Variants in ZNF516 observed in about 807,000 individuals in gnomAD.
ZNF516 encodes zinc finger protein 516.
A neutral mutation model predicts 79.7 loss-of-function variants in ZNF516; 19 were observed. The observed-to-expected ratio is 0.24, with a 90% CI of 0.17 to 0.35. The LOEUF (loss-of-function observed/expected upper bound fraction) is 0.35, where lower values mean the gene tolerates loss of function less well. ZNF516 is among the 10% of genes least tolerant of loss of function. ZNF516 has a pLI of 1.00. For synonymous variants in ZNF516, 877 were observed against 739.5 expected, an observed-to-expected ratio of 1.19 and a Z score of -3.02; for missense variants, 1,678 against 1,679.5, an observed-to-expected ratio of 1.00 and a Z score of 0.02.
At chr18:76,433,254 G>A (rs2075685828) in intron 3 of ZNF516, among the ~76,000 whole-genome samples, 1 of 152,102 alleles carries the variant, frequency 6.6e-6, no homozygotes, top group Admixed American at 6.5e-5. Context: ...ACCCACTCCC[G>A]AATACAACAT....
intron 3 of ZNF516, among the ~76,000 whole-genome samples, chr18:76,439,300 GA>G (rs1277760913): frequency 6.6e-6 from 1 of 152,186 alleles, no homozygotes; most frequent in East Asian, 1.9e-4. Flanking sequence ...TTTTTAGATA[GA>G]AAGATACTGT....
intron 2 of ZNF516, among the ~76,000 whole-genome samples, chr18:76,455,087 C>G (rs900249405): frequency 6.6e-6 from 1 of 152,090 alleles, no homozygotes; most frequent in African/African-American, 2.4e-5. Context: ...AATAAACTGT[C>G]ACACTTTAAT....
At position 76,378,965 on chromosome 18, in the gene ZNF516, C is replaced by T. The variant is rs968294718; in HGVS notation, c.3149G>A (p.Gly1050Glu). ...HSIKQEPVAE[G>E]HEKRLDILNI... ...GAGGATGTCCAGGCGCTTCTCATGCCCCTCGGCCACCGGCTCCTGTTTGAT... is the reference window on the plus strand; with the variant it reads ...GAGGATGTCCAGGCGCTTCTCATGCTCCTCGGCCACCGGCTCCTGTTTGAT... The change falls in exon 4 of 7, where the codon GGG (glycine) becomes GAG (glutamate). Residue 1050 changes from glycine (G) to glutamate (E), a missense_variant. Around this residue, in one of 5 missense-constraint regions of ZNF516, gnomAD observed 1,294 missense variants for 1,248.3 expected, o/e 1.04. Transcript: ENST00000443185. The T allele has an allele frequency of 3.7e-6, 6 of 1,613,604 alleles. No homozygotes were observed. Among genetic ancestry groups the T allele is most frequent in the Admixed American group, 3.3e-5 (2 of 60,014 alleles).
intron 3 of ZNF516, among the ~76,000 whole-genome samples, chr18:76,417,257 G>A (rs1346620738): frequency 6.6e-5 from 10 of 152,144 alleles, no homozygotes; most frequent in Non-Finnish European, 1.5e-5. Flanking sequence ...AGAAAGCTGG[G>A]TGCACGATTT....
intron 2 of ZNF516, among the ~76,000 whole-genome samples, chr18:76,447,232 C>T (rs1022010980): frequency 1.3e-5 from 2 of 152,208 alleles, no homozygotes; most frequent in African/African-American, 2.4e-5. Context: ...ACGCCATGGG[C>T]GGCCGCCCCA....
chr18:76,435,782 C>CTG (rs1439866958), intron 3 of ZNF516, among the ~76,000 whole-genome samples: 1 of 152,256 alleles, frequency 6.6e-6, no homozygotes, highest in Non-Finnish European at 1.5e-5. Flanking sequence ...GCAGGGCACA[C>CTG]CGTGCCAGCT....
chr18:76,376,921 A>G (rs1162863579), intron 4 of ZNF516, among the ~76,000 whole-genome samples: 1 of 152,194 alleles, frequency 6.6e-6, no homozygotes. Flanking sequence ...CCCAGCATCC[A>G]CAACAGCACA....
intron 1 of ZNF516, chr18:76,488,015 A>C (rs1914930453): frequency 1.0e-6 from 1 of 985,268 alleles, no homozygotes; most frequent in African/African-American, 1.7e-5. Context: ...CGAACAACCA[A>C]ATAATCACTG....
At chr18:76,385,538 C>T (rs553599624) in intron 3 of ZNF516, 71 of 152,382 alleles carry the variant, frequency 4.7e-4, no homozygotes, top group Admixed American at 3.7e-3. Flanking sequence ...TCCCCTTCCG[C>T]GCTTACGGCT....
chr18:76,448,357 T>C (rs1568303292), intron 2 of ZNF516, among the ~76,000 whole-genome samples: 1 of 152,260 alleles, frequency 6.6e-6, no homozygotes, highest in African/African-American at 2.4e-5. Context: ...GTATTTCAAC[T>C]AATCAATCCC....
intron 3 of ZNF516, among the ~76,000 whole-genome samples, chr18:76,395,057 T>G (rs977211373): frequency 1.3e-5 from 2 of 152,200 alleles, no homozygotes; most frequent in African/African-American, 2.4e-5. Flanking sequence ...TTTGGTCATC[T>G]CAGGCCAGGC....
At chr18:76,409,925 G>A (rs1441573945) in intron 3 of ZNF516, among the ~76,000 whole-genome samples, 2 of 152,176 alleles carry the variant, frequency 1.3e-5, no homozygotes, top group Non-Finnish European at 2.9e-5. Flanking sequence ...AATCATGGGG[G>A]CAGTTTCCCC....
intron 6 of ZNF516, among the ~76,000 whole-genome samples, chr18:76,366,206 T>C (rs1284906024): frequency 1.3e-5 from 2 of 152,252 alleles, no homozygotes; most frequent in African/African-American, 4.8e-5. Flanking sequence ...ATTTAATCAA[T>C]TTCAGCAGAT....
intron 3 of ZNF516, among the ~76,000 whole-genome samples, chr18:76,398,914 A>T (rs1384584762): frequency 6.6e-6 from 1 of 150,558 alleles, no homozygotes; most frequent in African/African-American, 2.5e-5. Context: ...TGAGTCTTTA[A>T]AAAAAAAAAT....
intron 3 of ZNF516, among the ~76,000 whole-genome samples, chr18:76,416,242 G>T (rs796226891): frequency 6.6e-6 from 1 of 152,190 alleles, no homozygotes. Flanking sequence ...TGGAAGAGGC[G>T]GCCGGTTCCC....
At chr18:76,492,408 C>T (rs995434055) in intron 1 of ZNF516, 1 of 973,044 alleles carries the variant, frequency 1.0e-6, no homozygotes, top group Non-Finnish European at 1.2e-6. Flanking sequence ...GGGTCAGACG[C>T]AGCCAGGGCG....
At chr18:76,396,979 T>C (rs1237987370) in intron 3 of ZNF516, among the ~76,000 whole-genome samples, 1 of 152,216 alleles carries the variant, frequency 6.6e-6, no homozygotes, top group Non-Finnish European at 1.5e-5. Context: ...TGGTGTGATC[T>C]GGAAGTTCTC....
chr18:76,433,458 A>G (rs2075688945), intron 3 of ZNF516, among the ~76,000 whole-genome samples: 1 of 152,182 alleles, frequency 6.6e-6, no homozygotes, highest in Admixed American at 6.5e-5. Flanking sequence ...CCTGCCTGAA[A>G]AGAATGTGTC....
chr18:76,372,110 G>A (rs1182848526), intron 4 of ZNF516, among the ~76,000 whole-genome samples: 2 of 152,222 alleles, frequency 1.3e-5, no homozygotes, highest in Non-Finnish European at 2.9e-5. Context: ...CAGAAGGGAG[G>A]GGACACCTAC....
Sources: allele counts gnomAD v4.1 joint callset (sites outside exome capture counted in the v4.1 genomes callset), GRCh38; gene constraint gnomAD v4.1.1; regional missense constraint gnomAD v4.1.1; transcripts MANE v1.5; gene names NCBI Gene and HGNC (gene_info 2026-07-23, HGNC 2026-07-21).